The following COL24A1 variants were observed in gnomAD, a reference collection of about 807,000 sequenced individuals.
COL24A1 encodes the protein collagen alpha-1(XXIV) chain.
Under a neutral mutation model 253.9 loss-of-function variants are expected in COL24A1, and 224 were observed. The observed-to-expected ratio is 0.88, with a 90% CI of 0.79 to 0.99. COL24A1 has a LOEUF of 0.99. Ranked by LOEUF, COL24A1 falls within the 50% of genes least tolerant of loss-of-function variation. COL24A1 has a pLI of 0.00. For synonymous variants in COL24A1, 685 were observed against 673.7 expected, an observed-to-expected ratio of 1.02 and a Z score of -0.26; for missense variants, 2,131 against 2,068.5, an observed-to-expected ratio of 1.03 and a Z score of -0.59.
rs764853456 is a variant in COL24A1, at chr1:86,125,786, T to C, written c.550A>G (p.Lys184Glu). 1.9e-6 allele frequency: 3 copies of C among 1,613,056 alleles called. No individual in the cohort carries two copies. Among genetic ancestry groups the C allele is most frequent in the Non-Finnish European group, 2.5e-6 (3 of 1,179,668 alleles). Reference protein sequence around the residue: ...SVSMFVECGKKYFSTETIPEV... With the variant: ...SVSMFVECGKEYFSTETIPEV... ...GGAATAGTCTCTGTGCTAAAATATT[T>C]CTTTCCACACTCAACAAACATTGAG... The change falls in exon 3 of 60, where the codon AAA becomes GAA. Residue 184 changes from lysine (K) to glutamate (E), a missense_variant. Transcript: ENST00000370571.
At chr1:85,873,468 G>A (rs1680772079) in intron 35 of COL24A1, among the ~76,000 whole-genome samples, 1 of 152,172 alleles carries the variant, frequency 6.6e-6, no homozygotes. Context: ...ACTGGATTAA[G>A]AAAATGTGGC....
intron 20 of COL24A1, among the ~76,000 whole-genome samples, chr1:85,985,411 G>T (rs1383353411): frequency 6.6e-6 from 1 of 151,768 alleles, no homozygotes; most frequent in African/African-American, 2.4e-5. Flanking sequence ...TATACAGAGA[G>T]GGTTTGGTCA....
chr1:85,998,080 T>G (rs1695027660), intron 19 of COL24A1, among the ~76,000 whole-genome samples: 1 of 152,212 alleles, frequency 6.6e-6, no homozygotes, highest in Admixed American at 6.5e-5. Context: ...CTGATTTTTT[T>G]AACTTAAAAC....
At chr1:85,891,229 T>G (rs1683103306) in intron 31 of COL24A1, among the ~76,000 whole-genome samples, 1 of 150,076 alleles carries the variant, frequency 6.7e-6, no homozygotes, top group Admixed American at 6.6e-5. Flanking sequence ...TTTTTTTTTT[T>G]TTTTTTTTGT....
chr1:85,998,816 G>A (rs147354682), intron 19 of COL24A1, among the ~76,000 whole-genome samples: 56 of 152,268 alleles, frequency 3.7e-4, no homozygotes, highest in African/African-American at 9.4e-4. Context: ...GCAACCTACC[G>A]CATATGCAAG....
At position 85,913,743 on chromosome 1, in the gene COL24A1, C is replaced by T. The variant is rs1213283562; in HGVS notation, c.2563-2310G>A. Among the ~76,000 whole-genome samples, 4 of 152,248 alleles carry T rather than the reference C, an allele frequency of 2.6e-5. No individual in the cohort carries two copies. In the East Asian group the frequency reaches 5.8e-4, roughly 22 times the overall value. ...AAAATACAGGAGATCCCTTAGGATA[C>T]GTCTTAATATCACCATGCTCTGTGA... On this transcript the variant is annotated intron_variant, in intron 24 of 59. Coordinates refer to ENST00000370571, the MANE Select transcript of COL24A1 (RefSeq NM_152890.7).
intron 19 of COL24A1, among the ~76,000 whole-genome samples, chr1:86,000,207 AT>A (rs1363411679): frequency 6.6e-6 from 1 of 152,080 alleles, no homozygotes; most frequent in Non-Finnish European, 1.5e-5. Context: ...CTATCCTTTC[AT>A]TTTATGTTAA....
chr1:86,073,345 C>A (rs182061806), intron 7 of COL24A1, among the ~76,000 whole-genome samples: 1 of 151,956 alleles, frequency 6.6e-6, no homozygotes, highest in Non-Finnish European at 1.5e-5. Flanking sequence ...TATCAAGAAT[C>A]AAACCAATCA....
intron 21 of COL24A1, among the ~76,000 whole-genome samples, chr1:85,970,793 T>C (rs1273686539): frequency 6.6e-6 from 1 of 152,212 alleles, no homozygotes; most frequent in East Asian, 1.9e-4. Context: ...TTCTAGTATA[T>C]ATGAGTGAGA....
At chr1:85,927,869 G>T (rs1377836175) in intron 24 of COL24A1, among the ~76,000 whole-genome samples, 1 of 136,588 alleles carries the variant, frequency 7.3e-6, no homozygotes, top group Non-Finnish European at 1.6e-5. Flanking sequence ...GCAGCTGAGG[G>T]TCCTGTCTGT....
chr1:86,115,390 A>C lies in COL24A1; in HGVS notation c.1492-12T>G, dbSNP rs1706044242. The C allele has an allele frequency of 6.2e-7, 1 of 1,613,478 alleles. No homozygotes were observed. Among genetic ancestry groups the C allele is most frequent in the African/African-American group, 1.3e-5 (1 of 75,032 alleles). ...GGACCAGGTGGACCCTTGGAAAACAAATGTCAAGACATTAGGCATGATAGT... is the reference window on the plus strand; with the variant it reads ...GGACCAGGTGGACCCTTGGAAAACACATGTCAAGACATTAGGCATGATAGT... On this transcript the variant is annotated splice_polypyrimidine_tract_variant and intron_variant, in intron 3 of 59. Coordinates refer to ENST00000370571, the MANE Select transcript of COL24A1 (RefSeq NM_152890.7).
intron 19 of COL24A1, among the ~76,000 whole-genome samples, chr1:86,015,891 T>C (rs1050716423): frequency 3.3e-5 from 5 of 150,882 alleles, no homozygotes; most frequent in Non-Finnish European, 7.4e-5. Context: ...TTCTTTTTTT[T>C]TTTTTTTTTT....
At chr1:85,833,433 T>G (rs939437331) in intron 43 of COL24A1, among the ~76,000 whole-genome samples, 2 of 152,128 alleles carry the variant, frequency 1.3e-5, no homozygotes, top group Non-Finnish European at 2.9e-5. Context: ...CTCACACCAG[T>G]TAGAATGGTG....
In COL24A1 at chr1:85,823,579, C is replaced by A; in HGVS notation, c.3746G>T (p.Gly1249Val). The change falls in exon 45 of 60, where the codon GGT (glycine) becomes GTT (valine). Residue 1249 changes from glycine to valine, a missense_variant. By Grantham distance (109) the Gly-to-Val change is moderately radical. Transcript: ENST00000370571. ...TGQQGPPGEP[G>V]DQGEQGLKGE... ...TTTTAGTCCTTGTTCACCCTGGTCA[C>A]CTGGTTCGCCCTTTAGTAGAAACCA... 1 of 1,613,984 alleles carries A rather than the reference C, an allele frequency of 6.2e-7. No individual in the cohort carries two copies. Among genetic ancestry groups the A allele is most frequent in the Non-Finnish European group, 8.5e-7 (1 of 1,179,950 alleles).
At chr1:85,847,830 T>A in intron 38 of COL24A1, 58 bp from the exon 39 acceptor site, 2 of 1,065,708 alleles carry the variant, frequency 1.9e-6, no homozygotes, top group Non-Finnish European at 2.9e-6. Flanking sequence ...TTAGATTAAT[T>A]AACTATATCA....
intron 9 of COL24A1, 115 bp from the exon 10 acceptor site, chr1:86,058,090 A>C: frequency 4.5e-6 from 3 of 660,204 alleles, no homozygotes; most frequent in Non-Finnish European, 7.3e-6. Context: ...TAGAATTCAG[A>C]ACTCTGTATA....
chr1:85,838,699 A>G, intron 42 of COL24A1, 61 bp from the exon 43 acceptor site: 1 of 1,458,740 alleles, frequency 6.9e-7, no homozygotes, highest in South Asian at 1.2e-5. Context: ...ATGCGAATGC[A>G]GGTGATAAGA....
At chr1:85,971,268 C>G (rs1190577416) in intron 21 of COL24A1, 72 bp downstream of exon 21, 1 of 1,265,480 alleles carries the variant, frequency 7.9e-7, no homozygotes, top group Non-Finnish European at 1.1e-6. Context: ...ACTGAAGGCC[C>G]ACAATAAATA....
intron 7 of COL24A1, among the ~76,000 whole-genome samples, chr1:86,068,739 G>A (rs1238908537): frequency 6.6e-6 from 1 of 152,130 alleles, no homozygotes; most frequent in Non-Finnish European, 1.5e-5. Flanking sequence ...GGAGAGAAGA[G>A]TGAAGAGTAA....
Sources: allele counts gnomAD v4.1 joint callset (sites outside exome capture counted in the v4.1 genomes callset), GRCh38; gene constraint gnomAD v4.1.1; transcripts MANE v1.5; gene names NCBI Gene and HGNC (gene_info 2026-07-23, HGNC 2026-07-21).